The following HLA-DQA1 variants were observed in gnomAD, a reference collection of about 807,000 sequenced individuals.
HLA-DQA1 encodes HLA class II histocompatibility antigen, DQ alpha 1 chain.
HLA-DQA1 carries 10 observed loss-of-function variants against 20.7 expected under a neutral mutation model. The ratio of observed to expected loss-of-function variants is 0.48; its 90% CI spans 0.30 to 0.82. HLA-DQA1 has a LOEUF of 0.82. Ranked by LOEUF, HLA-DQA1 falls within the 40% of genes least tolerant of loss-of-function variation. The pLI, the probability that HLA-DQA1 is intolerant of heterozygous loss-of-function variation, is 0.07. For synonymous variants in HLA-DQA1, 39 were observed against 109.2 expected (o/e 0.36, Z 4.01); for missense variants, 127 against 293.0 (o/e 0.43, Z 4.14).
At chr6:32,645,274 C>T (rs1302145632), downstream of HLA-DQA1, 2 of 150,502 alleles carry the variant, frequency 1.3e-5, no homozygotes, top group Non-Finnish European at 3.0e-5. Flanking sequence ...CAGTCCCCAG[C>T]CTTTTTGGCA....
chr6:32,637,846 G>T (rs2150955073), intron 1 of HLA-DQA1, among the ~76,000 whole-genome samples: 1 of 119,384 alleles, frequency 8.4e-6, no homozygotes, highest in South Asian at 2.7e-4. Context: ...TCCATCAGTG[G>T]ATAATTTTTT....
intron 1 of HLA-DQA1, among the ~76,000 whole-genome samples, chr6:32,640,153 G>T (rs1157744780): frequency 2.0e-5 from 2 of 100,712 alleles, no homozygotes; most frequent in Non-Finnish European, 4.4e-5. Context: ...AGTTTGTCTT[G>T]CTTGGCAGAT....
Position 32,643,169 on chromosome 6 carries a change from A to T in HLA-DQA1, c.*238A>T, listed in dbSNP as rs1130152. The T allele has an allele frequency of 0.23, 65,316 of 278,444 alleles. 23,366 individuals carry two copies. Among genetic ancestry groups the T allele is most frequent in the Middle Eastern group, 0.4 (764 of 1,920 alleles). The allele number at this position is 278,444 out of a possible 1,614,324, so 17.2% of individuals were successfully genotyped here. Reference sequence around the variant, plus strand: ...TTTTCTTTTCTCAAATGTTACCTACAAAGACATGCCTGGGGTAAGCCACCC... The same window carrying T: ...TTTTCTTTTCTCAAATGTTACCTACTAAGACATGCCTGGGGTAAGCCACCC... On this transcript the variant is annotated 3_prime_UTR_variant, in exon 5 of 5. Transcript: ENST00000343139.
Position 32,642,614 on chromosome 6 carries a change from T to C in HLA-DQA1, c.618T>C (p.Pro206=). The part of the protein sequence containing the change: ...LDQPLLKHWE[P]EIPAPMSELT... ...TCAACAACTTCACTTCCACAGAGCCTGAGATTCCAGCCCCTATGTCAGAGC... is the reference window on the plus strand; with the variant it reads ...TCAACAACTTCACTTCCACAGAGCCCGAGATTCCAGCCCCTATGTCAGAGC... The change falls in exon 4 of 5, where the codon CCT becomes CCC. Residue 206 remains proline, a synonymous_variant. Transcript: ENST00000343139. 1.5e-6 allele frequency: 2 copies of C among 1,368,488 alleles called. No homozygotes were observed. The highest frequency in any genetic ancestry group is 2.0e-6 in the Non-Finnish European group (2 of 990,608). 84.8% of individuals were successfully genotyped at this position (1,368,488 alleles called of 1,614,324 possible).
rs774039069 is a variant in HLA-DQA1, at chr6:32,642,607, C to T, written c.614-3C>T. The T allele has an allele frequency of 7.3e-7, 1 of 1,370,542 alleles. No homozygotes were observed. The highest frequency in any genetic ancestry group is 2.5e-5 in the East Asian group (1 of 40,070). 84.9% of individuals were successfully genotyped at this position (1,370,542 alleles called of 1,614,324 possible). Reference sequence around the variant, plus strand: ...TCTGACCTCAACAACTTCACTTCCACAGAGCCTGAGATTCCAGCCCCTATG... The same window carrying T: ...TCTGACCTCAACAACTTCACTTCCATAGAGCCTGAGATTCCAGCCCCTATG... On this transcript the variant is annotated splice_region_variant and splice_polypyrimidine_tract_variant and intron_variant, in intron 3 of 4. Coordinates refer to ENST00000343139, the MANE Select transcript of HLA-DQA1 (RefSeq NM_002122.5).
chr6:32,649,219 A>G (rs1299137312), downstream of HLA-DQA1, among the ~76,000 whole-genome samples: 3 of 97,024 alleles, frequency 3.1e-5, 1 homozygote, highest in Non-Finnish European at 6.9e-5. Flanking sequence ...AAGGTAATTT[A>G]TGGATTCAAT....
At chr6:32,651,013 C>G (rs1363010302), downstream of HLA-DQA1, among the ~76,000 whole-genome samples, 4 of 84,436 alleles carry the variant, frequency 4.7e-5, 1 homozygote. Flanking sequence ...CTCAGCCTCC[C>G]AAGTAGCTGG....
intron 1 of HLA-DQA1, among the ~76,000 whole-genome samples, chr6:32,638,269 A>C (rs9272491): frequency 0.3 from 27,684 of 92,010 alleles, 6,702 homozygotes; most frequent in East Asian, 0.37. Flanking sequence ...ATAAGGGATC[A>C]TTTTATTTTA....
At chr6:32,648,478 T>C (rs1220546607), downstream of HLA-DQA1, among the ~76,000 whole-genome samples, 2 of 96,958 alleles carry the variant, frequency 2.1e-5, 1 homozygote, top group Non-Finnish European at 4.6e-5. Flanking sequence ...TGGTTCAACA[T>C]ACGCAAATCA....
chr6:32,655,265 T>TTATTTTTTTAATTTGTTTTA, the HLA-DQA1 span, among the ~76,000 whole-genome samples: 1 of 77,672 alleles, frequency 1.3e-5, no homozygotes, highest in African/African-American at 4.2e-5. Context: ...TTCTGTTTTT[T>TTATTTTTTTAATTTGTTTTA]AAAATCACCT....
the HLA-DQA1 span, among the ~76,000 whole-genome samples, chr6:32,653,570 G>GTT: frequency 0.034 from 2,854 of 83,770 alleles, 1,040 homozygotes; most frequent in East Asian, 0.33. Context: ...CCAGATAAAT[G>GTT]TTTTTTTTAA....
downstream of HLA-DQA1, among the ~76,000 whole-genome samples, chr6:32,650,355 T>G (rs1478402961): frequency 1.0e-5 from 1 of 97,442 alleles, no homozygotes; most frequent in Non-Finnish European, 2.3e-5. Flanking sequence ...CCTGGGTATA[T>G]ACCCAAAGGA....
chr6:32,644,015 A>G (rs9273028), downstream of HLA-DQA1: 43,389 of 102,082 alleles, frequency 0.43, 6,820 homozygotes, highest in Middle Eastern at 0.62. Context: ...GAATATGGCT[A>G]CAGGATGTTT....
intron 2 of HLA-DQA1, 103 bp downstream of exon 2, chr6:32,641,661 C>A: frequency 1.5e-6 from 1 of 678,864 alleles, no homozygotes; most frequent in Non-Finnish European, 2.3e-6. Flanking sequence ...ATGGCAATTG[C>A]TGAAATTTTA....
chr6:32,655,261 T>TTATTTTTTTAATTTG, the HLA-DQA1 span, among the ~76,000 whole-genome samples: 16,357 of 138,196 alleles, frequency 0.12, 1,541 homozygotes, highest in East Asian at 0.28. Context: ...AGTTTTCTGT[T>TTATTTTTTTAATTTG]TTTTAAAATC....
downstream of HLA-DQA1, among the ~76,000 whole-genome samples, chr6:32,651,183 G>A (rs1232774212): frequency 1.4e-5 from 1 of 69,932 alleles, no homozygotes; most frequent in East Asian, 4.6e-4. Flanking sequence ...CACCACACCC[G>A]GCCAAAAAAG....
At chr6:32,640,689 A>T in intron 1 of HLA-DQA1, among the ~76,000 whole-genome samples, 1 of 116,314 alleles carries the variant, frequency 8.6e-6, no homozygotes, top group Non-Finnish European at 1.9e-5. Context: ...CCTTAGAAGG[A>T]GGCATTGTTT....
chr6:32,655,215 A>G, the HLA-DQA1 span, among the ~76,000 whole-genome samples: 13,154 of 138,456 alleles, frequency 0.095, 847 homozygotes, highest in Middle Eastern at 0.13. Flanking sequence ...AATTTTTTCG[A>G]AGTGTAACAT....
chr6:32,648,066 T>A (rs17843589), downstream of HLA-DQA1, among the ~76,000 whole-genome samples: 78,715 of 141,238 alleles, frequency 0.56, 22,582 homozygotes, highest in Middle Eastern at 0.69. Context: ...TTTGGGGGCG[T>A]TTAGAGATGG....
Sources: gnomAD v4.1 joint callset for allele counts (sites outside exome capture counted in the v4.1 genomes callset) on GRCh38, gnomAD v4.1.1 for gene constraint, MANE v1.5 for transcripts, NCBI Gene and HGNC (gene_info 2026-07-23, HGNC 2026-07-21) for gene names.